MCF2L2: variants seen among roughly 807,000 people sequenced by gnomAD.
MCF2L2 encodes the protein MCF.2 cell line derived transforming sequence-like 2.
Under a neutral mutation model 150.2 loss-of-function variants are expected in MCF2L2, and 102 were observed. That is an observed-to-expected ratio of 0.68 (90% confidence interval 0.58 to 0.80). The LOEUF is 0.80. Ranked by LOEUF, MCF2L2 falls within the 30% of genes least tolerant of loss-of-function variation. The pLI, the probability that MCF2L2 is intolerant of heterozygous loss-of-function variation, is 0.00. For synonymous variants in MCF2L2, 465 were observed against 491.3 expected (o/e 0.95, Z 0.71); for missense variants, 1,256 against 1,372.8 (o/e 0.91, Z 1.34).
intron 1 of MCF2L2, among the ~76,000 whole-genome samples, chr3:183,397,746 T>C (rs759582040): frequency 2.6e-5 from 4 of 152,182 alleles, no homozygotes; most frequent in African/African-American, 9.7e-5. Context: ...ATATGAAATA[T>C]GCAGCATTTT....
chr3:183,415,204 A>G (rs995506702), intron 1 of MCF2L2, among the ~76,000 whole-genome samples: 1 of 146,700 alleles, frequency 6.8e-6, no homozygotes, highest in Non-Finnish European at 1.5e-5. Flanking sequence ...TTTTTTTTTG[A>G]GACGGAGTCT....
intron 10 of MCF2L2, among the ~76,000 whole-genome samples, chr3:183,303,135 AG>A (rs988877609): frequency 1.3e-5 from 2 of 149,904 alleles, no homozygotes; most frequent in Non-Finnish European, 2.9e-5. Flanking sequence ...CGGAGGTTGC[AG>A]TAAGCTGAGA....
At chr3:183,343,870 A>C (rs556399489) in intron 3 of MCF2L2, among the ~76,000 whole-genome samples, 1 of 152,132 alleles carries the variant, frequency 6.6e-6, no homozygotes, top group Admixed American at 6.5e-5. Context: ...AGTAAGTAAA[A>C]TTACTTTTAC....
In MCF2L2 at chr3:183,207,623, G is replaced by A; in HGVS notation, c.2697C>T (p.Phe899=). ...GDQGLSPHYS[F]KKTMKLMTLS... is the part of the protein sequence containing the mutation. Reference sequence around the variant, plus strand: ...CTCCCTTTACCTTCATGGTCTTCTTGAAGCTGTAATGAGGAGATAATCCCT... The same window carrying A: ...CTCCCTTTACCTTCATGGTCTTCTTAAAGCTGTAATGAGGAGATAATCCCT... The change falls in exon 23 of 30, where the codon TTC becomes TTT. Residue 899 remains phenylalanine (F), a synonymous_variant. Transcript: ENST00000328913. 6.2e-7 allele frequency: 1 copy of A among 1,613,702 alleles called. No homozygotes were observed. Among genetic ancestry groups the A allele is most frequent in the South Asian group, 1.1e-5 (1 of 91,068 alleles).
chr3:183,298,974 G>A (rs1229032072), intron 11 of MCF2L2: 1 of 152,250 alleles, frequency 6.6e-6, no homozygotes, highest in Non-Finnish European at 1.5e-5. Flanking sequence ...CGCCTGGGTG[G>A]GTGCCCCCTG....
chr3:183,252,447 A>T (rs1041201090), intron 15 of MCF2L2, among the ~76,000 whole-genome samples: 8 of 152,266 alleles, frequency 5.3e-5, no homozygotes, highest in Non-Finnish European at 1.0e-4. Context: ...GATGCTGACC[A>T]GCTTAAGGAA....
intron 15 of MCF2L2, among the ~76,000 whole-genome samples, chr3:183,255,254 C>A (rs1724935237): frequency 6.6e-6 from 1 of 152,152 alleles, no homozygotes; most frequent in African/African-American, 2.4e-5. Context: ...CGAAATGATT[C>A]CACCCTGAAC....
chr3:183,413,209 T>C (rs1010189706), intron 1 of MCF2L2, among the ~76,000 whole-genome samples: 1 of 152,190 alleles, frequency 6.6e-6, no homozygotes, highest in Non-Finnish European at 1.5e-5. Context: ...TGGTTGAAAA[T>C]ACCTGTATAA....
Position 183,181,697 on chromosome 3 carries a change from C to T in MCF2L2, c.3017-1538G>A, listed in dbSNP as rs2108627004. On this transcript the variant is annotated intron_variant, in intron 27 of 29. Transcript: ENST00000328913. The surrounding 1 kb of genome is among the most constrained non-coding windows in gnomAD (Gnocchi z 4.3). The stretch of plus-strand genomic sequence containing the variant: ...AGAGGGAGCCATGCCCTTGACCATC[C>T]CCTGCATGAATAGGAAGGGCTGTGT... Among the ~76,000 whole-genome samples, 1 of 152,186 alleles carries T rather than the reference C, an allele frequency of 6.6e-6. No individual in the cohort carries two copies. The highest frequency in any genetic ancestry group is 1.9e-4 in the East Asian group (1 of 5,168).
chr3:183,326,058 T>TAA (rs1730011215), intron 5 of MCF2L2, among the ~76,000 whole-genome samples: 1 of 152,178 alleles, frequency 6.6e-6, no homozygotes, highest in African/African-American at 2.4e-5. Flanking sequence ...ACATAAGTTT[T>TAA]GTCAGTTTCA....
At chr3:183,336,870 T>A (rs199940361) in intron 5 of MCF2L2, among the ~76,000 whole-genome samples, 6,763 of 118,774 alleles carry the variant, frequency 0.057, 190 homozygotes, top group East Asian at 0.15. Context: ...AAAAAATATA[T>A]ATATATATAT....
chr3:183,356,845 A>G (rs767353054), intron 3 of MCF2L2, among the ~76,000 whole-genome samples: 5 of 152,214 alleles, frequency 3.3e-5, no homozygotes, highest in African/African-American at 7.2e-5. Context: ...AAAAAAGTTT[A>G]TATTTTTTCT....
chr3:183,405,014 C>T (rs1203528479), intron 1 of MCF2L2, among the ~76,000 whole-genome samples: 1 of 151,928 alleles, frequency 6.6e-6, no homozygotes, highest in Non-Finnish European at 1.5e-5. Context: ...AATTATAAAG[C>T]CGTTAAAATA....
intron 15 of MCF2L2, among the ~76,000 whole-genome samples, chr3:183,262,497 A>G (rs1725703940): frequency 6.6e-6 from 1 of 152,006 alleles, no homozygotes; most frequent in Admixed American, 6.6e-5. Flanking sequence ...TATACTGACT[A>G]CGGAGTTTTT....
chr3:183,418,995 T>G (rs1312134677), intron 1 of MCF2L2, among the ~76,000 whole-genome samples: 1 of 152,226 alleles, frequency 6.6e-6, no homozygotes, highest in East Asian at 1.9e-4. Context: ...CCATGAGGGC[T>G]CTGCCCCTGC....
At chr3:183,355,294 C>T (rs1426795696) in intron 3 of MCF2L2, among the ~76,000 whole-genome samples, 1 of 152,004 alleles carries the variant, frequency 6.6e-6, no homozygotes, top group Non-Finnish European at 1.5e-5. Flanking sequence ...TGAATGAATT[C>T]CTCTTTCTAA....
rs759767580 is a variant in MCF2L2, at chr3:183,416,808, T to C, written c.76+11094A>G. 2.4e-4 allele frequency among the ~76,000 whole-genome samples: 36 copies of C among 151,998 alleles called. 2 individuals are homozygous for C. Among genetic ancestry groups the C allele is most frequent in the Non-Finnish European group, 4.9e-4 (33 of 67,992 alleles). On this transcript the variant is annotated intron_variant, in intron 1 of 29. Transcript: ENST00000328913. ...ACAGCATTTATATTGTATTAGGTAT[T>C]ATAAGTAATTTAGAGATCAGGCTGG...
intron 15 of MCF2L2, among the ~76,000 whole-genome samples, chr3:183,245,224 C>T (rs774885285): frequency 9.9e-5 from 15 of 152,170 alleles, no homozygotes; most frequent in Non-Finnish European, 2.2e-4. Flanking sequence ...GATTAACTAA[C>T]AGTTAATGTG....
chr3:183,224,527 C>T (rs1199053902), intron 18 of MCF2L2: 4 of 196,574 alleles, frequency 2.0e-5, no homozygotes, highest in Non-Finnish European at 4.2e-5. Context: ...CGACATCTCC[C>T]CACAACAGGT....
Sources: allele counts gnomAD v4.1 joint callset (sites outside exome capture counted in the v4.1 genomes callset), GRCh38; gene constraint gnomAD v4.1.1; non-coding constraint Gnocchi (gnomAD v3.1); transcripts MANE v1.5; gene names NCBI Gene and HGNC (gene_info 2026-07-23, HGNC 2026-07-21).